WDFY4: variants seen among roughly 807,000 people sequenced by gnomAD.
WDFY4 encodes the protein WDFY family member 4, also known as WD repeat- and FYVE domain-containing protein 4.
Under a neutral mutation model 351.9 loss-of-function variants are expected in WDFY4, and 169 were observed. The observed-to-expected ratio is 0.48, with a 90% confidence interval of 0.42 to 0.55. The LOEUF is 0.55. Among genes scored for constraint, WDFY4 ranks in the 20% least tolerant of loss-of-function variants. The probability of loss-of-function intolerance (pLI) is 0.00; values close to 1 mark genes in which losing one functional copy is unlikely to be tolerated. For synonymous variants in WDFY4, 1,622 were observed against 1,574.6 expected, an observed-to-expected ratio of 1.03 and a Z score of -0.71; for missense variants, 3,803 against 3,935.6, an observed-to-expected ratio of 0.97 and a Z score of 0.90.
intron 47 of WDFY4, among the ~76,000 whole-genome samples, chr10:48,930,685 T>C (rs945979172): frequency 2.6e-5 from 4 of 151,788 alleles, no homozygotes; most frequent in Admixed American, 6.6e-5. Context: ...CCATTTAAAA[T>C]AGTAAAAAAA....
At position 48,972,834 on chromosome 10, in the gene WDFY4, C is replaced by T. The variant is rs74951233; in HGVS notation, c.8929-2028C>T. On this transcript the variant is annotated intron_variant, in intron 57 of 61. Transcript: ENST00000325239. ...GTAACCAGCATGGGGAATTATTTTC[C>T]GGGGTTTTCTTTTTGCTATCGTTTT... 1.6e-3 allele frequency among the ~76,000 whole-genome samples: 242 copies of T among 152,214 alleles called. 1 individual carries two copies. Among genetic ancestry groups the T allele is most frequent in the African/African-American group, 5.5e-3 (227 of 41,518 alleles).
intron 13 of WDFY4, among the ~76,000 whole-genome samples, chr10:48,768,228 C>T (rs2065734804): frequency 6.6e-6 from 1 of 152,190 alleles, no homozygotes; most frequent in Non-Finnish European, 1.5e-5. Flanking sequence ...AGAGCAAGGT[C>T]AGTGCTCGGT....
At chr10:48,713,766 C>T (rs1216604471) in intron 2 of WDFY4, among the ~76,000 whole-genome samples, 1 of 152,236 alleles carries the variant, frequency 6.6e-6, no homozygotes, top group Non-Finnish European at 1.5e-5. Flanking sequence ...CAGTCCTGAT[C>T]TAGGGTCAGA....
chr10:48,784,878 GAGT>G (rs1250577966), intron 19 of WDFY4, among the ~76,000 whole-genome samples: 22 of 125,690 alleles, frequency 1.8e-4, no homozygotes, highest in Admixed American at 1.5e-3. Flanking sequence ...TTTTGAGACG[GAGT>G]AGTCTCGCTC....
intron 39 of WDFY4, among the ~76,000 whole-genome samples, chr10:48,866,509 T>C (rs1176338395): frequency 6.6e-6 from 1 of 152,240 alleles, no homozygotes; most frequent in East Asian, 1.9e-4. Flanking sequence ...CTTCTCATCC[T>C]TTTGAGCTAT....
chr10:48,945,273 G>T (rs1589968799), intron 49 of WDFY4, among the ~76,000 whole-genome samples: 1 of 152,292 alleles, frequency 6.6e-6, no homozygotes, highest in African/African-American at 2.4e-5. Context: ...CTACTTGGGA[G>T]GCTGAGGTGG....
chr10:48,705,651 A>C (rs1438369591), intron 1 of WDFY4, among the ~76,000 whole-genome samples: 1 of 152,236 alleles, frequency 6.6e-6, no homozygotes, highest in Non-Finnish European at 1.5e-5. Context: ...TGCTGCTGCC[A>C]CGCAATTTCA....
intron 45 of WDFY4, among the ~76,000 whole-genome samples, chr10:48,898,104 T>C (rs1052668893): frequency 2.0e-5 from 3 of 152,016 alleles, no homozygotes; most frequent in Non-Finnish European, 4.4e-5. Flanking sequence ...ACCAGGATCT[T>C]TCAGTGCCTC....
rs565241222 is a variant in WDFY4, at chr10:48,877,071, G to A, written c.7039G>A (p.Glu2347Lys). ...GAGGGAGGCTGAGGGCGAGCCGGAC[G>A]AGGTGGGGGTGGACTGCACCCAGCT... The part of the protein sequence containing the change: ...TLREAEGEPD[E>K]VGVDCTQLTF... The change falls in exon 43 of 62, where the codon GAG becomes AAG. Residue 2347 changes from glutamate (E) to lysine (K), a missense_variant. This residue lies in a region of WDFY4 where 3,054 missense variants were observed against 3,148.6 expected (regional missense o/e 0.97). Coordinates refer to ENST00000325239, the MANE Select transcript of WDFY4 (RefSeq NM_001394531.1). 4 of 1,522,978 alleles carry A rather than the reference G, an allele frequency of 2.6e-6. No individual in the cohort carries two copies. Among genetic ancestry groups the A allele is most frequent in the African/African-American group, 2.8e-5 (2 of 71,900 alleles). The allele number at this position is 1,522,978 out of a possible 1,614,324, so 94.3% of individuals were successfully genotyped here. A position where few individuals can be genotyped will look rare whatever the true frequency, so the allele number is the denominator to read the frequency against.
intron 47 of WDFY4, among the ~76,000 whole-genome samples, chr10:48,902,275 G>A (rs941770667): frequency 1.3e-5 from 2 of 152,208 alleles, no homozygotes; most frequent in Admixed American, 6.5e-5. Flanking sequence ...GTTGGTGTGC[G>A]AATCAGACAT....
intron 54 of WDFY4, among the ~76,000 whole-genome samples, chr10:48,966,022 G>A (rs1462189836): frequency 6.6e-6 from 1 of 152,144 alleles, no homozygotes; most frequent in Non-Finnish European, 1.5e-5. Flanking sequence ...TAAGAAATAG[G>A]CCACTAATGG....
chr10:48,974,291 T>C (rs547594062), intron 57 of WDFY4, among the ~76,000 whole-genome samples: 28 of 151,790 alleles, frequency 1.8e-4, no homozygotes, highest in African/African-American at 5.6e-4. Context: ...TCACTTGAGG[T>C]CAGGAGTTCA....
chr10:48,780,848 T>A (rs1437358899), intron 19 of WDFY4, among the ~76,000 whole-genome samples: 1 of 152,222 alleles, frequency 6.6e-6, no homozygotes, highest in African/African-American at 2.4e-5. Context: ...TTTAAAGTTC[T>A]CTTGCACAGG....
At chr10:48,970,393 A>G in intron 57 of WDFY4, 104 bp downstream of exon 57, 2 of 1,431,390 alleles carry the variant, frequency 1.4e-6, no homozygotes, top group East Asian at 2.5e-5. Flanking sequence ...TGGTGCCGGA[A>G]CACACCCTAA....
chr10:48,833,963 G>A (rs2068288734), intron 39 of WDFY4, among the ~76,000 whole-genome samples: 1 of 152,210 alleles, frequency 6.6e-6, no homozygotes, highest in South Asian at 2.1e-4. Context: ...CCGAGGAAAA[G>A]GCCTTTCTTT....
intron 47 of WDFY4, 54 bp from the exon 48 acceptor site, chr10:48,941,752 T>G: frequency 1.3e-6 from 2 of 1,536,196 alleles, no homozygotes; most frequent in Non-Finnish European, 1.8e-6. Context: ...CTCTCCCCTG[T>G]TTGTATTCTT....
At chr10:48,829,476 G>A (rs140826852) in intron 37 of WDFY4, among the ~76,000 whole-genome samples, 1 of 152,294 alleles carries the variant, frequency 6.6e-6, no homozygotes, top group Non-Finnish European at 1.5e-5. Flanking sequence ...TCTTGGTCTA[G>A]GAAGCAGAAG....
At chr10:48,750,101 C>A (rs1163060581) in intron 12 of WDFY4, among the ~76,000 whole-genome samples, 4 of 152,244 alleles carry the variant, frequency 2.6e-5, no homozygotes, top group African/African-American at 7.2e-5. Flanking sequence ...CATCCTGCAG[C>A]TTCATCCTAA....
chr10:48,759,499 CAG>C (rs1361596271), intron 12 of WDFY4, among the ~76,000 whole-genome samples: 1 of 152,172 alleles, frequency 6.6e-6, no homozygotes, highest in Non-Finnish European at 1.5e-5. Flanking sequence ...GTCCTCTGGT[CAG>C]AGAGAAAGTT....
Sources: allele counts gnomAD v4.1 joint callset (sites outside exome capture counted in the v4.1 genomes callset), GRCh38; gene constraint gnomAD v4.1.1; regional missense constraint gnomAD v4.1.1; transcripts MANE v1.5; gene names NCBI Gene and HGNC (gene_info 2026-07-23, HGNC 2026-07-21).